Variants in DPP6 observed in about 807,000 individuals in gnomAD.
DPP6 encodes dipeptidyl peptidase like 6, also known as A-type potassium channel modulatory protein DPP6.
DPP6 carries 69 observed loss-of-function variants against 122.6 expected under a neutral mutation model. The observed-to-expected ratio is 0.56, with a 90% CI of 0.46 to 0.69. The LOEUF is 0.69. Among genes scored for constraint, DPP6 ranks in the 30% least tolerant of loss-of-function variants. The pLI, the probability that DPP6 is intolerant of heterozygous loss-of-function variation, is 0.00. For missense variants in DPP6, 928 were observed against 1,116.9 expected (o/e 0.83, Z 2.41); for synonymous variants, 418 against 433.1 (o/e 0.97, Z 0.43).
intron 5 of DPP6, among the ~76,000 whole-genome samples, chr7:154,606,369 A>G (rs2130788285): frequency 8.3e-6 from 1 of 120,944 alleles, no homozygotes; most frequent in Admixed American, 9.3e-5. Flanking sequence ...CCGTATTCCT[A>G]GCAATGAAAT....
At chr7:154,598,258 A>G (rs80237333) in intron 5 of DPP6, among the ~76,000 whole-genome samples, 1,617 of 152,350 alleles carry the variant, frequency 0.011, 14 homozygotes, top group Non-Finnish European at 0.015. Context: ...CCTGATTTTC[A>G]TACCAAGAAA....
chr7:154,724,486 T>C (rs1365089649), intron 7 of DPP6, among the ~76,000 whole-genome samples: 1 of 152,212 alleles, frequency 6.6e-6, no homozygotes, highest in Non-Finnish European at 1.5e-5. Flanking sequence ...CAGGCTCCTC[T>C]CATTTGAGGC....
intron 1 of DPP6, among the ~76,000 whole-genome samples, chr7:154,304,090 T>G (rs547893786): frequency 1.3e-5 from 2 of 152,342 alleles, no homozygotes; most frequent in South Asian, 4.1e-4. Flanking sequence ...AAGGACTTTA[T>G]TATTGAGAGT....
chr7:154,002,400 A>G (rs1382151725), intron 1 of DPP6, among the ~76,000 whole-genome samples: 1 of 152,220 alleles, frequency 6.6e-6, no homozygotes, highest in Non-Finnish European at 1.5e-5. Context: ...AAAGGTCTTC[A>G]TTGCTCAACC....
At chr7:153,998,170 G>A (rs999522159) in intron 1 of DPP6, among the ~76,000 whole-genome samples, 5 of 152,102 alleles carry the variant, frequency 3.3e-5, no homozygotes, top group African/African-American at 7.2e-5. Context: ...TCACAAAGAC[G>A]TATCTCTAGA....
Position 153,931,360 on chromosome 7 carries a change from A to T in DPP6, c.51+43626A>T, listed in dbSNP as rs546234404. Among the ~76,000 whole-genome samples the T allele has an allele frequency of 3.6e-4, 55 of 152,322 alleles. No individual in the cohort carries two copies. In the South Asian group the frequency reaches 0.011, roughly 30 times the overall value. On this transcript the variant is annotated intron_variant, in intron 1 of 25. Coordinates refer to the DPP6 transcript ENST00000404039. ...AAAAAAGGATAACATTCATCAGAGC[A>T]TTTGCCAAGAGACAGTCTTAGCACT... is the stretch of plus-strand genomic sequence containing the variant.
intron 3 of DPP6, among the ~76,000 whole-genome samples, chr7:154,502,818 G>A (rs543916902): frequency 1.3e-5 from 2 of 152,170 alleles, no homozygotes; most frequent in Non-Finnish European, 2.9e-5. Context: ...TTTCATGGAG[G>A]GAAAAGTTAA....
chr7:154,574,327 G>GTGTGGTTTGTGTGTGGTATGTGTA (rs1831321445), intron 5 of DPP6, among the ~76,000 whole-genome samples: 1 of 145,344 alleles, frequency 6.9e-6, no homozygotes, highest in Admixed American at 6.9e-5. Flanking sequence ...GTGTATGTGT[G>GTGTGGTTTGTGTGTGGTATGTGTA]TGTGGTTTGT....
chr7:154,166,621 T>C (rs1182989718), intron 1 of DPP6, among the ~76,000 whole-genome samples: 1 of 143,796 alleles, frequency 7.0e-6, no homozygotes, highest in Non-Finnish European at 1.5e-5. Flanking sequence ...TTTAGAAAAG[T>C]TTTCATATGG....
intron 7 of DPP6, among the ~76,000 whole-genome samples, chr7:154,714,739 T>C (rs1411522304): frequency 2.0e-5 from 3 of 152,208 alleles, no homozygotes; most frequent in African/African-American, 4.8e-5. Flanking sequence ...ATCCAGTTAA[T>C]TGAACCTTCA....
At chr7:153,967,240 G>C (rs1227951600) in intron 1 of DPP6, among the ~76,000 whole-genome samples, 2 of 152,068 alleles carry the variant, frequency 1.3e-5, no homozygotes, top group African/African-American at 4.8e-5. Flanking sequence ...TTGGGCTTGT[G>C]TTTAGATTTG....
chr7:154,773,995 T>C (rs1363019595), intron 10 of DPP6, among the ~76,000 whole-genome samples: 1 of 152,162 alleles, frequency 6.6e-6, no homozygotes, highest in African/African-American at 2.4e-5. Flanking sequence ...TGCGATTCCT[T>C]CCCCTCATCT....
chr7:153,867,149 A>G, the DPP6 span, among the ~76,000 whole-genome samples: 5 of 152,198 alleles, frequency 3.3e-5, no homozygotes, highest in Non-Finnish European at 5.9e-5. Flanking sequence ...TTTTGGTTCC[A>G]TATGAACATT....
At chr7:153,914,653 C>G (rs780512361) in intron 1 of DPP6, among the ~76,000 whole-genome samples, 5 of 152,216 alleles carry the variant, frequency 3.3e-5, no homozygotes, top group Non-Finnish European at 2.9e-5. Flanking sequence ...GAAACTTCAT[C>G]TCATCTCATG....
intron 8 of DPP6, among the ~76,000 whole-genome samples, chr7:154,738,026 A>G (rs1042053934): frequency 1.1e-4 from 17 of 152,258 alleles, no homozygotes; most frequent in African/African-American, 1.9e-4. Context: ...GAAATTGCCA[A>G]CAGGTTCATT....
the DPP6 span, among the ~76,000 whole-genome samples, chr7:153,776,062 C>A: frequency 6.6e-6 from 1 of 151,996 alleles, no homozygotes; most frequent in East Asian, 1.9e-4. Context: ...CAGATACTGA[C>A]AAGTTCATTA....
intron 16 of DPP6, among the ~76,000 whole-genome samples, chr7:154,840,002 G>C (rs1047638313): frequency 2.0e-5 from 3 of 152,174 alleles, no homozygotes; most frequent in African/African-American, 7.2e-5. Flanking sequence ...ACAGTGAGAG[G>C]AACTAATGAG....
At chr7:154,231,791 A>G (rs867601197) in intron 1 of DPP6, among the ~76,000 whole-genome samples, 2 of 152,178 alleles carry the variant, frequency 1.3e-5, no homozygotes, top group Non-Finnish European at 1.5e-5. Flanking sequence ...GGAAACAGCC[A>G]CCACTGCGGG....
chr7:154,858,546 C>T (rs921812745), intron 17 of DPP6: 1 of 152,530 alleles, frequency 6.6e-6, no homozygotes, highest in Non-Finnish European at 1.5e-5. Context: ...ACCTTCTCCG[C>T]CCATACACCA....
Sources: gnomAD v4.1 joint callset for allele counts (sites outside exome capture counted in the v4.1 genomes callset) on GRCh38, gnomAD v4.1.1 for gene constraint, MANE v1.5 for transcripts, NCBI Gene and HGNC (gene_info 2026-07-23, HGNC 2026-07-21) for gene names.